NRXN3: variants seen among roughly 807,000 people sequenced by gnomAD.
The protein encoded by NRXN3 is neurexin 3.
Under a neutral mutation model 137.6 loss-of-function variants are expected in NRXN3, and 32 were observed. The observed-to-expected ratio is 0.23, with a 90% CI of 0.18 to 0.31. The LOEUF (loss-of-function observed/expected upper bound fraction) is 0.31, where lower values mean the gene tolerates loss of function less well. Among genes scored for constraint, NRXN3 ranks in the 10% least tolerant of loss-of-function variants. NRXN3 has a pLI of 1.00. For missense variants in NRXN3, 1,574 were observed against 2,062.5 expected (o/e 0.76, Z 4.59); for synonymous variants, 798 against 784.5 (o/e 1.02, Z -0.29).
chr14:79,831,837 C>T (rs2099324772), intron 20 of NRXN3, among the ~76,000 whole-genome samples: 1 of 152,154 alleles, frequency 6.6e-6, no homozygotes, highest in Admixed American at 6.6e-5. Context: ...AGCAGCAGAT[C>T]TACCTTTTAG....
At chr14:79,188,975 GT>G (rs1473308431) in intron 15 of NRXN3, among the ~76,000 whole-genome samples, 13 of 152,152 alleles carry the variant, frequency 8.5e-5, no homozygotes, top group African/African-American at 3.1e-4. Flanking sequence ...GGAAGTCAGT[GT>G]GGCGATTCTT....
chr14:78,949,590 GA>G (rs2099382943), intron 10 of NRXN3, among the ~76,000 whole-genome samples: 1 of 138,670 alleles, frequency 7.2e-6, no homozygotes, highest in African/African-American at 3.2e-5. Flanking sequence ...GCATAGAAGT[GA>G]ATTTTTTTTT....
rs542062955 is a variant in NRXN3 at position 78,681,086 on chromosome 14, G to A, written c.1222-28131G>A. On this transcript the variant is annotated intron_variant, in intron 6 of 20. Coordinates refer to ENST00000335750, the MANE Select transcript of NRXN3 (RefSeq NM_001330195.2). ...GCAGCTGATAGAGACACTCCATTTG[G>A]GGGTTGAGTCCTTCCAAATCTTTCT... Among the ~76,000 whole-genome samples, 5 of 152,254 alleles carry A rather than the reference G, an allele frequency of 3.3e-5. No individual in the cohort carries two copies. The South Asian group carries it at 1.0e-3, about 32-fold the overall frequency.
intron 10 of NRXN3, among the ~76,000 whole-genome samples, chr14:78,954,470 T>G (rs8003966): frequency 0.16 from 23,824 of 152,004 alleles, 3,463 homozygotes; most frequent in East Asian, 0.43. Flanking sequence ...CTTCAGTTTT[T>G]TGGGGGTTTT....
At chr14:78,500,906 A>G (rs2095866315) in intron 4 of NRXN3, among the ~76,000 whole-genome samples, 2 of 152,114 alleles carry the variant, frequency 1.3e-5, no homozygotes, top group African/African-American at 4.8e-5. Flanking sequence ...ATGTGCTCAA[A>G]CGTTATTCTC....
chr14:79,781,194 G>A (rs139141678), intron 19 of NRXN3, among the ~76,000 whole-genome samples: 10 of 152,068 alleles, frequency 6.6e-5, no homozygotes, highest in African/African-American at 1.9e-4. Context: ...CAGTCTTTCC[G>A]CTTATCTATT....
At chr14:78,379,486 T>G (rs971072749) in intron 4 of NRXN3, among the ~76,000 whole-genome samples, 1 of 152,164 alleles carries the variant, frequency 6.6e-6, no homozygotes, top group Non-Finnish European at 1.5e-5. Context: ...TATCCCACAA[T>G]ATTAACAGGC....
At chr14:79,808,351 T>C (rs568071113) in intron 20 of NRXN3, among the ~76,000 whole-genome samples, 3 of 151,724 alleles carry the variant, frequency 2.0e-5, no homozygotes, top group Non-Finnish European at 4.4e-5. Context: ...ATCAGTTTCT[T>C]GGGCAAGATT....
chr14:79,649,642 AT>A (rs555764914), intron 16 of NRXN3, among the ~76,000 whole-genome samples: 84 of 152,278 alleles, frequency 5.5e-4, no homozygotes, highest in African/African-American at 2.0e-3. Context: ...CTTGGCAAAA[AT>A]TAGTGAGGTT....
intron 16 of NRXN3, among the ~76,000 whole-genome samples, chr14:79,490,731 G>GT (rs1567271705): frequency 5.9e-5 from 9 of 152,012 alleles, no homozygotes; most frequent in African/African-American, 2.2e-4. Context: ...AAAATAGAAG[G>GT]AATGAATAAA....
intron 2 of NRXN3, among the ~76,000 whole-genome samples, chr14:78,273,976 G>A (rs1320638788): frequency 6.6e-6 from 1 of 152,204 alleles, no homozygotes; most frequent in Non-Finnish European, 1.5e-5. Flanking sequence ...TCGCCTACAG[G>A]AGGCTGGCTG....
At chr14:79,629,876 G>A (rs1389764338) in intron 16 of NRXN3, among the ~76,000 whole-genome samples, 1 of 151,912 alleles carries the variant, frequency 6.6e-6, no homozygotes, top group African/African-American at 2.4e-5. Flanking sequence ...TGGCTTGAAG[G>A]TAGCAGCCCT....
At chr14:78,365,516 A>G (rs1054590312) in intron 4 of NRXN3, among the ~76,000 whole-genome samples, 2 of 152,184 alleles carry the variant, frequency 1.3e-5, no homozygotes, top group Non-Finnish European at 2.9e-5. Context: ...TAGCTATATC[A>G]CTTCTGCTCA....
At chr14:79,065,395 T>A (rs779691833) in intron 15 of NRXN3, among the ~76,000 whole-genome samples, 6 of 152,066 alleles carry the variant, frequency 3.9e-5, no homozygotes, top group Non-Finnish European at 8.8e-5. Context: ...TTGCTGGACT[T>A]TAGGGTGGAA....
intron 4 of NRXN3, among the ~76,000 whole-genome samples, chr14:78,480,709 A>G (rs1599233386): frequency 6.6e-6 from 1 of 152,194 alleles, no homozygotes; most frequent in African/African-American, 2.4e-5. Flanking sequence ...TATTACATAC[A>G]TCTGTCTCCT....
At chr14:78,801,775 C>T (rs2098839790) in intron 8 of NRXN3, among the ~76,000 whole-genome samples, 1 of 152,136 alleles carries the variant, frequency 6.6e-6, no homozygotes, top group Non-Finnish European at 1.5e-5. Context: ...AATATGATGC[C>T]ATTGCTTCTT....
chr14:78,479,483 T>C (rs970687976), intron 4 of NRXN3, among the ~76,000 whole-genome samples: 2 of 152,200 alleles, frequency 1.3e-5, no homozygotes. Context: ...TTAAGAAACG[T>C]TGATTTAAAC....
At chr14:78,699,878 C>T (rs7144972) in intron 6 of NRXN3, among the ~76,000 whole-genome samples, 20,545 of 152,120 alleles carry the variant, frequency 0.14, 1,520 homozygotes, top group South Asian at 0.21. Context: ...TACTATGTGC[C>T]ACACACTTTG....
chr14:78,307,493 C>T (rs2077489938), intron 4 of NRXN3, among the ~76,000 whole-genome samples: 2 of 152,062 alleles, frequency 1.3e-5, no homozygotes, highest in African/African-American at 4.8e-5. Context: ...TGTGGTTTTT[C>T]ACTGTGTGTA....
Sources: gnomAD v4.1 joint callset for allele counts (sites outside exome capture counted in the v4.1 genomes callset) on GRCh38, gnomAD v4.1.1 for gene constraint, MANE v1.5 for transcripts, NCBI Gene and HGNC (gene_info 2026-07-23, HGNC 2026-07-21) for gene names.